Variants in SLC14A2 observed in about 807,000 individuals in gnomAD.
SLC14A2 encodes the protein urea transporter 2.
SLC14A2 carries 91 observed loss-of-function variants against 104.6 expected under a neutral mutation model. The ratio of observed to expected loss-of-function variants is 0.87; its 90% CI spans 0.73 to 1.04. The LOEUF is 1.04. Ranked by LOEUF, SLC14A2 falls within the 50% of genes least tolerant of loss-of-function variation. The pLI is 0.00. For missense variants in SLC14A2, 1,189 were observed against 1,156.0 expected (o/e 1.03, Z -0.41); for synonymous variants, 476 against 466.4 (o/e 1.02, Z -0.27).
At chr18:45,215,675 T>C (rs935296127) in intron 1 of SLC14A2, among the ~76,000 whole-genome samples, 1 of 152,256 alleles carries the variant, frequency 6.6e-6, no homozygotes, top group African/African-American at 2.4e-5. Flanking sequence ...TTATTACTTC[T>C]GTGGGACTTC....
chr18:45,199,931 T>C, the SLC14A2 span, among the ~76,000 whole-genome samples: 1 of 152,124 alleles, frequency 6.6e-6, no homozygotes, highest in African/African-American at 2.4e-5. Flanking sequence ...CCAATCTCTG[T>C]GAAGTGCAGT....
chr18:45,480,792 A>T (rs1022035949), intron 1 of SLC14A2, among the ~76,000 whole-genome samples: 3 of 152,166 alleles, frequency 2.0e-5, no homozygotes, highest in African/African-American at 4.8e-5. Flanking sequence ...CCAGAGAAAC[A>T]TTTGTCCCAG....
intron 10 of SLC14A2, among the ~76,000 whole-genome samples, chr18:45,651,020 G>T (rs2045728184): frequency 6.6e-6 from 1 of 152,054 alleles, no homozygotes; most frequent in South Asian, 2.1e-4. Context: ...TGATTTTAAG[G>T]GTTCCAGGAA....
intron 1 of SLC14A2, among the ~76,000 whole-genome samples, chr18:45,412,690 G>A (rs909122474): frequency 1.3e-5 from 2 of 152,204 alleles, no homozygotes; most frequent in African/African-American, 4.8e-5. Context: ...CATGGTGGAT[G>A]AGCTGTATCA....
At chr18:45,569,982 T>G (rs1465878946) in intron 2 of SLC14A2, among the ~76,000 whole-genome samples, 1 of 152,204 alleles carries the variant, frequency 6.6e-6, no homozygotes, top group Non-Finnish European at 1.5e-5. Flanking sequence ...ATCATTGTTT[T>G]CTGTGCTAAA....
At chr18:45,479,376 A>C (rs942179618) in intron 1 of SLC14A2, among the ~76,000 whole-genome samples, 10 of 152,254 alleles carry the variant, frequency 6.6e-5, no homozygotes, top group African/African-American at 2.4e-4. Flanking sequence ...AAATGTAATA[A>C]TTGAGATATA....
intron 1 of SLC14A2, among the ~76,000 whole-genome samples, chr18:45,263,550 C>T (rs1390981050): frequency 1.3e-5 from 2 of 152,124 alleles, no homozygotes; most frequent in East Asian, 1.9e-4. Context: ...GTGGATCTTG[C>T]CTGTACCAAT....
intron 10 of SLC14A2, among the ~76,000 whole-genome samples, chr18:45,648,947 C>A (rs1411914859): frequency 6.6e-6 from 1 of 152,014 alleles, no homozygotes; most frequent in Non-Finnish European, 1.5e-5. Context: ...GCATATTCGT[C>A]TCTCACGAGG....
At chr18:45,477,289 T>C (rs2087399717) in intron 1 of SLC14A2, among the ~76,000 whole-genome samples, 1 of 152,208 alleles carries the variant, frequency 6.6e-6, no homozygotes, top group South Asian at 2.1e-4. Context: ...CAGACCTTGT[T>C]TGCCTGGGTA....
intron 6 of SLC14A2, among the ~76,000 whole-genome samples, chr18:45,637,488 G>A (rs572613713): frequency 2.6e-4 from 40 of 152,276 alleles, no homozygotes; most frequent in African/African-American, 6.3e-4. Flanking sequence ...ACAGATAAGC[G>A]TTGACAGTAC....
At chr18:45,192,788 C>G in the SLC14A2 span, among the ~76,000 whole-genome samples, 28 of 152,070 alleles carry the variant, frequency 1.8e-4, no homozygotes, top group African/African-American at 6.3e-4. Flanking sequence ...TCCCGAGTAG[C>G]TGGGACTATA....
intron 1 of SLC14A2, among the ~76,000 whole-genome samples, chr18:45,276,117 A>G (rs2084699744): frequency 6.6e-6 from 1 of 152,230 alleles, no homozygotes; most frequent in African/African-American, 2.4e-5. Context: ...AGTGGGTTTC[A>G]ATAGAAGTGT....
At chr18:45,426,564 G>A (rs200222292) in intron 1 of SLC14A2, among the ~76,000 whole-genome samples, 1 of 143,574 alleles carries the variant, frequency 7.0e-6, no homozygotes, top group African/African-American at 2.5e-5. Context: ...GTGTGTGTGT[G>A]TATACACACA....
chr18:45,331,773 T>C (rs1206606967), intron 1 of SLC14A2, among the ~76,000 whole-genome samples: 2 of 152,070 alleles, frequency 1.3e-5, no homozygotes, highest in Admixed American at 6.6e-5. Context: ...ACTTGAATGA[T>C]CCTTAACATT....
At chr18:45,226,035 A>G (rs1247043581) in intron 1 of SLC14A2, among the ~76,000 whole-genome samples, 1 of 152,232 alleles carries the variant, frequency 6.6e-6, no homozygotes, top group Non-Finnish European at 1.5e-5. Context: ...TTCTCAAAAG[A>G]AGACATTTAT....
intron 2 of SLC14A2, among the ~76,000 whole-genome samples, chr18:45,503,745 C>A (rs1403338489): frequency 6.6e-6 from 1 of 151,928 alleles, no homozygotes; most frequent in Non-Finnish European, 1.5e-5. Context: ...TTGCTAATGG[C>A]TTAAAAATAA....
intron 1 of SLC14A2, among the ~76,000 whole-genome samples, chr18:45,410,890 T>C (rs1270034311): frequency 6.6e-6 from 1 of 152,236 alleles, no homozygotes; most frequent in South Asian, 2.1e-4. Flanking sequence ...TAGCATTAGA[T>C]AACACAAGCT....
chr18:45,615,956 T>C (rs1383651763), intron 1 of SLC14A2, among the ~76,000 whole-genome samples: 2 of 152,166 alleles, frequency 1.3e-5, no homozygotes, highest in Admixed American at 6.5e-5. Flanking sequence ...ACCATGGCCA[T>C]GTTAGGGGTG....
chr18:45,674,535 G>C (rs2046194955), intron 18 of SLC14A2, among the ~76,000 whole-genome samples: 1 of 151,860 alleles, frequency 6.6e-6, no homozygotes, highest in African/African-American at 2.4e-5. Flanking sequence ...GGGTAAAGCT[G>C]CTGTCTTTTT....
Sources: gnomAD v4.1 joint callset for allele counts (sites outside exome capture counted in the v4.1 genomes callset) on GRCh38, gnomAD v4.1.1 for gene constraint, MANE v1.5 for transcripts, NCBI Gene and HGNC (gene_info 2026-07-23, HGNC 2026-07-21) for gene names.